The following SEPTIN9 variants were observed in gnomAD, a reference collection of about 807,000 sequenced individuals.
SEPTIN9 encodes septin 9.
In SEPTIN9, 13 loss-of-function variants were observed where a neutral mutation model predicts 56.6. The ratio of observed to expected loss-of-function variants is 0.23; its 90% CI spans 0.15 to 0.37. The LOEUF is 0.37. Ranked by LOEUF, SEPTIN9 falls within the 10% of genes least tolerant of loss-of-function variation. The pLI, the probability that SEPTIN9 is intolerant of heterozygous loss-of-function variation, is 1.00. For synonymous variants in SEPTIN9, 332 were observed against 334.1 expected (o/e 0.99, Z 0.07); for missense variants, 650 against 823.1 (o/e 0.79, Z 2.57).
At chr17:77,295,769 G>A (rs112084311) in intron 1 of SEPTIN9, among the ~76,000 whole-genome samples, 5 of 150,374 alleles carry the variant, frequency 3.3e-5, no homozygotes, top group African/African-American at 9.8e-5. Context: ...CCTTGTTCCC[G>A]GCACCAGCTG....
chr17:77,342,436 G>C (rs1190945790), intron 2 of SEPTIN9, among the ~76,000 whole-genome samples: 2 of 152,172 alleles, frequency 1.3e-5, no homozygotes, highest in African/African-American at 2.4e-5. Context: ...TATCAATCTA[G>C]ATCTTTTTAA....
chr17:77,390,585 G>A (rs943777898), intron 2 of SEPTIN9, among the ~76,000 whole-genome samples: 7 of 150,886 alleles, frequency 4.6e-5, no homozygotes, highest in Non-Finnish European at 1.0e-4. Context: ...CCGAGTAGCT[G>A]GGACTACAGG....
At chr17:77,286,317 G>A (rs1451294205) in intron 1 of SEPTIN9, 1 of 152,368 alleles carries the variant, frequency 6.6e-6, no homozygotes, top group Non-Finnish European at 1.5e-5. Flanking sequence ...AGATCTCCCC[G>A]GCCTGCCCAG....
chr17:77,321,393 C>T (rs1418041077), intron 2 of SEPTIN9, among the ~76,000 whole-genome samples: 1 of 151,492 alleles, frequency 6.6e-6, no homozygotes, highest in Non-Finnish European at 1.5e-5. Context: ...CTCCCAGGGC[C>T]ACATCTTTTT....
intron 3 of SEPTIN9, among the ~76,000 whole-genome samples, chr17:77,423,690 C>T (rs1421826387): frequency 1.3e-5 from 2 of 152,242 alleles, no homozygotes; most frequent in African/African-American, 2.4e-5. Context: ...CCTCCACTGC[C>T]CCCGTCGCGT....
chr17:77,356,156 G>C (rs937309684), intron 2 of SEPTIN9, among the ~76,000 whole-genome samples: 1 of 152,090 alleles, frequency 6.6e-6, no homozygotes, highest in Non-Finnish European at 1.5e-5. Context: ...GGAAAGTCAC[G>C]TTTGGAAGAG....
At chr17:77,360,697 TG>T (rs1013752287) in intron 2 of SEPTIN9, among the ~76,000 whole-genome samples, 9 of 152,186 alleles carry the variant, frequency 5.9e-5, no homozygotes, top group Admixed American at 4.6e-4. Flanking sequence ...CCAGAATAGC[TG>T]GGACTACAGG....
At chr17:77,298,660 G>A (rs2031915300) in intron 1 of SEPTIN9, among the ~76,000 whole-genome samples, 1 of 152,174 alleles carries the variant, frequency 6.6e-6, no homozygotes, top group African/African-American at 2.4e-5. Flanking sequence ...GATGCCCCAA[G>A]GGTATGTGGA....
chr17:77,385,204 C>T (rs1482457691), intron 2 of SEPTIN9, among the ~76,000 whole-genome samples: 2 of 144,294 alleles, frequency 1.4e-5, no homozygotes, highest in African/African-American at 5.2e-5. Flanking sequence ...CACTGTGTCC[C>T]AGGCTGAAGT....
chr17:77,423,868 G>A (rs186512180), intron 3 of SEPTIN9, among the ~76,000 whole-genome samples: 44 of 152,322 alleles, frequency 2.9e-4, no homozygotes, highest in Non-Finnish European at 4.9e-4. Flanking sequence ...GAAAGTCCAG[G>A]CATGTGCTCT....
intron 2 of SEPTIN9, among the ~76,000 whole-genome samples, chr17:77,390,606 C>T (rs1424979987): frequency 6.6e-6 from 1 of 151,736 alleles, no homozygotes; most frequent in African/African-American, 2.4e-5. Context: ...CGCCCGCCAC[C>T]ACGCCCGGCT....
In SEPTIN9 at chr17:77,372,867, G is replaced by T. The variant is rs1432429903; in HGVS notation, c.77-29192G>T. Among the ~76,000 whole-genome samples, 5 of 152,260 alleles carry T rather than the reference G, an allele frequency of 3.3e-5. 1 individual carries two copies. The highest frequency in any genetic ancestry group is 3.3e-4 in the Admixed American group (5 of 15,294). On this transcript the variant is annotated intron_variant, in intron 2 of 11. Coordinates refer to ENST00000427177, the MANE Select transcript of SEPTIN9 (RefSeq NM_001113491.2). ...CAGGCCGGGATCCTGCCTGCCAGCCGCGTGCGCTGCCGTTTAACCCTTGCA... is the reference window on the plus strand; with the variant it reads ...CAGGCCGGGATCCTGCCTGCCAGCCTCGTGCGCTGCCGTTTAACCCTTGCA...
Position 77,437,131 on chromosome 17 carries a change from G to C in SEPTIN9, c.721+34428G>C, listed in dbSNP as rs1033477088. 5.9e-5 allele frequency among the ~76,000 whole-genome samples: 9 copies of C among 152,228 alleles called. No individual in the cohort carries two copies. Among genetic ancestry groups the C allele is most frequent in the African/African-American group, 2.2e-4 (9 of 41,460 alleles). ...CCATTCGGTTGGCATCAGCATCCCT[G>C]CCTTGACACCCCCGTGTGGCAGCTG... On this transcript the variant is annotated intron_variant, in intron 3 of 11. Coordinates refer to ENST00000427177, the MANE Select transcript of SEPTIN9 (RefSeq NM_001113491.2). The surrounding 1 kb of genome is among the most constrained non-coding windows in gnomAD (Gnocchi z 5.3).
chr17:77,378,170 G>A (rs1030547642), intron 2 of SEPTIN9, among the ~76,000 whole-genome samples: 1 of 152,186 alleles, frequency 6.6e-6, no homozygotes, highest in Non-Finnish European at 1.5e-5. Flanking sequence ...TGCAGTGACT[G>A]GGTGACTGCA....
intron 2 of SEPTIN9, among the ~76,000 whole-genome samples, chr17:77,325,158 T>C (rs1022893399): frequency 6.6e-6 from 1 of 152,212 alleles, no homozygotes; most frequent in African/African-American, 2.4e-5. Flanking sequence ...CGTTCCACTT[T>C]ATCTATTTGT....
In SEPTIN9 at chr17:77,402,530, C is replaced by T. The variant is rs749362718; in HGVS notation, c.548C>T (p.Ala183Val). 3.3e-5 allele frequency: 53 copies of T among 1,606,866 alleles called. No homozygotes were observed. The highest frequency in any genetic ancestry group is 2.5e-5 in the Non-Finnish European group (30 of 1,177,164). Residue 183 changes from alanine to valine, a missense_variant, in exon 3 of 12, where the codon GCA (alanine) becomes GTA (valine). By Grantham distance (64) the Ala-to-Val change is moderately conservative (BLOSUM62 0). Transcript: ENST00000427177. This position sits in a 1 kb window ranked among gnomAD's most constrained non-coding sequence, Gnocchi z 6.6. The part of the protein sequence containing the change: ...PEVPTAPATD[A>V]APKRVEIQMP... The stretch of plus-strand genomic sequence containing the variant: ...GTGCCCACTGCCCCTGCCACCGACG[C>T]AGCCCCCAAGAGGGTGGAGATCCAG...
intron 3 of SEPTIN9, among the ~76,000 whole-genome samples, chr17:77,417,950 G>T (rs1358002442): frequency 6.6e-6 from 1 of 152,220 alleles, no homozygotes; most frequent in Non-Finnish European, 1.5e-5. Flanking sequence ...TCGGGGTCTG[G>T]TGGCACCTGG....
intron 2 of SEPTIN9, among the ~76,000 whole-genome samples, chr17:77,309,759 C>A (rs887147368): frequency 1.3e-5 from 2 of 152,074 alleles, no homozygotes; most frequent in Non-Finnish European, 2.9e-5. Flanking sequence ...AAATGGAATT[C>A]TTAGAGCTAC....
rs1194905296 is a variant in SEPTIN9 at position 77,327,632 on chromosome 17, C to T, written c.76+20435C>T. Among the ~76,000 whole-genome samples, 1 of 152,284 alleles carries T rather than the reference C, an allele frequency of 6.6e-6. No individual in the cohort carries two copies. Among genetic ancestry groups the T allele is most frequent in the South Asian group, 2.1e-4 (1 of 4,822 alleles). On this transcript the variant is annotated intron_variant, in intron 2 of 11. Coordinates refer to ENST00000427177, the MANE Select transcript of SEPTIN9 (RefSeq NM_001113491.2). The surrounding 1 kb of genome is among the most constrained non-coding windows in gnomAD (Gnocchi z 5.0). ...CACGTTTGGAGACTGATTTGGGCTC[C>T]AGGCTACGCCTTGAAATTGGGACAG...
Sources: allele counts gnomAD v4.1 joint callset (sites outside exome capture counted in the v4.1 genomes callset), GRCh38; gene constraint gnomAD v4.1.1; non-coding constraint Gnocchi (gnomAD v3.1); transcripts MANE v1.5; gene names NCBI Gene and HGNC (gene_info 2026-07-23, HGNC 2026-07-21).